The following CSMD1 variants were observed in gnomAD, a reference collection of about 807,000 sequenced individuals.
The protein encoded by CSMD1 is CUB and Sushi multiple domains 1.
In CSMD1, 213 loss-of-function variants were observed where a neutral mutation model predicts 417.5. The observed-to-expected ratio is 0.51, with a 90% CI of 0.46 to 0.57. The LOEUF (loss-of-function observed/expected upper bound fraction) is 0.57. Ranked by LOEUF, CSMD1 falls within the 20% of genes least tolerant of loss-of-function variation. The pLI, the probability that CSMD1 is intolerant of heterozygous loss-of-function variation, is 0.00. For synonymous variants in CSMD1, 2,862 were observed against 1,736.8 expected (o/e 1.65, Z -16.11); for missense variants, 6,923 against 4,529.7 (o/e 1.53, Z -15.17).
intron 7 of CSMD1, among the ~76,000 whole-genome samples, chr8:3,661,206 A>C (rs1054859625): frequency 6.6e-6 from 1 of 152,158 alleles, no homozygotes; most frequent in African/African-American, 2.4e-5. Context: ...CAAGATTGAG[A>C]ACCTAATTTA....
intron 3 of CSMD1, among the ~76,000 whole-genome samples, chr8:4,234,152 G>A (rs1292364021): frequency 6.6e-6 from 1 of 152,146 alleles, no homozygotes; most frequent in East Asian, 1.9e-4. Flanking sequence ...TCATAGGACT[G>A]AGCACAGATT....
intron 9 of CSMD1, among the ~76,000 whole-genome samples, chr8:3,584,010 C>T (rs926160495): frequency 6.6e-6 from 1 of 151,886 alleles, no homozygotes; most frequent in Non-Finnish European, 1.5e-5. Flanking sequence ...CTAGTAAAAC[C>T]CATCCACTAT....
intron 3 of CSMD1, among the ~76,000 whole-genome samples, chr8:4,197,512 A>G (rs1799407954): frequency 6.6e-6 from 1 of 152,178 alleles, no homozygotes; most frequent in African/African-American, 2.4e-5. Context: ...GTCAAGTAAG[A>G]CAGAGTTCCC....
chr8:2,986,043 A>AGAAG (rs917126657), intron 54 of CSMD1, among the ~76,000 whole-genome samples: 11 of 150,650 alleles, frequency 7.3e-5, no homozygotes, highest in South Asian at 2.1e-4. Context: ...TCTCCATAGA[A>AGAAG]GAAGGAAGGA....
intron 3 of CSMD1, among the ~76,000 whole-genome samples, chr8:4,406,291 C>G (rs1481602848): frequency 1.3e-5 from 2 of 152,106 alleles, no homozygotes; most frequent in East Asian, 1.9e-4. Context: ...TCAAACAAAA[C>G]AAACCCTTTG....
At chr8:4,800,231 G>C (rs1798204275) in intron 1 of CSMD1, among the ~76,000 whole-genome samples, 1 of 152,062 alleles carries the variant, frequency 6.6e-6, no homozygotes, top group African/African-American at 2.4e-5. Context: ...CTGAGGTCAG[G>C]AGTTGGAGAC....
At chr8:3,481,460 T>C (rs1333203635) in intron 11 of CSMD1, among the ~76,000 whole-genome samples, 1 of 152,122 alleles carries the variant, frequency 6.6e-6, no homozygotes, top group Non-Finnish European at 1.5e-5. Flanking sequence ...TTTCCATACT[T>C]CAGGTGGTAA....
rs945427559 is a variant in CSMD1 at position 4,387,491 on chromosome 8, G to C, written c.415+32462C>G. ...TTGAGTGTACTTTCATATCATACTT[G>C]CATAATTGTTCATAAATACTATTTC... On this transcript the variant is annotated intron_variant, in intron 3 of 69. Transcript: ENST00000635120. 5.2e-5 allele frequency among the ~76,000 whole-genome samples: 7 copies of C among 134,298 alleles called. No individual in the cohort carries two copies. The East Asian group carries it at 6.9e-4, about 13-fold the overall frequency. The allele number at this position is 134,298 out of a possible 152,430, so 88.1% of individuals were successfully genotyped here. A position where few individuals can be genotyped will look rare whatever the true frequency, so the allele number is the denominator to read the frequency against.
At chr8:4,829,770 A>C (rs1257689334) in intron 1 of CSMD1, among the ~76,000 whole-genome samples, 3 of 150,278 alleles carry the variant, frequency 2.0e-5, no homozygotes, top group Non-Finnish European at 4.4e-5. Context: ...ACTCACATTT[A>C]TGTAGCTGTT....
At chr8:4,791,083 TGAGAGAGACGGTGAGAAGAGACGGG>T (rs890184304) in intron 1 of CSMD1, among the ~76,000 whole-genome samples, 2 of 147,378 alleles carry the variant, frequency 1.4e-5, no homozygotes, top group Non-Finnish European at 3.1e-5. Flanking sequence ...AGAGAGACGG[TGAGAGAGACGGTGAGAAGAGACGGG>T]GAGAAGAGAC....
At chr8:3,934,543 C>T (rs1344659855) in intron 5 of CSMD1, among the ~76,000 whole-genome samples, 2 of 152,112 alleles carry the variant, frequency 1.3e-5, no homozygotes, top group Admixed American at 6.5e-5. Flanking sequence ...GCCTTTATCA[C>T]TAACTAAGGG....
chr8:3,124,774 G>A (rs560638131), intron 41 of CSMD1, among the ~76,000 whole-genome samples: 42 of 152,190 alleles, frequency 2.8e-4, no homozygotes, highest in Non-Finnish European at 5.4e-4. Flanking sequence ...AAAAACCCAG[G>A]ACCCATTTTT....
At chr8:4,803,581 G>C (rs1798428464) in intron 1 of CSMD1, among the ~76,000 whole-genome samples, 1 of 152,078 alleles carries the variant, frequency 6.6e-6, no homozygotes, top group Admixed American at 6.6e-5. Flanking sequence ...CGAAAGCCAG[G>C]ATTCTACTAT....
chr8:4,462,997 G>A (rs1409522109), intron 2 of CSMD1, among the ~76,000 whole-genome samples: 1 of 152,002 alleles, frequency 6.6e-6, no homozygotes, highest in East Asian at 1.9e-4. Context: ...AAAAACATTA[G>A]AACAGAAAAA....
chr8:3,255,186 A>G (rs1027338512), intron 26 of CSMD1, among the ~76,000 whole-genome samples: 2 of 152,082 alleles, frequency 1.3e-5, no homozygotes, highest in African/African-American at 4.8e-5. Context: ...AGAGCAGTGG[A>G]TATTGGTGAA....
chr8:3,580,089 G>C (rs1357231763), intron 9 of CSMD1, among the ~76,000 whole-genome samples: 2 of 151,912 alleles, frequency 1.3e-5, no homozygotes, highest in Non-Finnish European at 2.9e-5. Context: ...GTGTGACAGA[G>C]GGAGACTCTG....
chr8:4,276,103 C>G (rs1033674639), intron 3 of CSMD1, among the ~76,000 whole-genome samples: 1 of 152,068 alleles, frequency 6.6e-6, no homozygotes, highest in Non-Finnish European at 1.5e-5. Flanking sequence ...CCATTTGACC[C>G]AGCAATCCCA....
intron 5 of CSMD1, among the ~76,000 whole-genome samples, chr8:3,844,328 C>G (rs1286358416): frequency 6.6e-6 from 1 of 152,078 alleles, no homozygotes; most frequent in African/African-American, 2.4e-5. Flanking sequence ...AATTTCAAGT[C>G]AATGACAATA....
intron 2 of CSMD1, among the ~76,000 whole-genome samples, chr8:4,526,883 A>G (rs1292746688): frequency 6.6e-6 from 1 of 152,144 alleles, no homozygotes; most frequent in Admixed American, 6.5e-5. Flanking sequence ...CCATGATTCC[A>G]GAAGACTATT....
Sources: gnomAD v4.1 joint callset for allele counts (sites outside exome capture counted in the v4.1 genomes callset) on GRCh38, gnomAD v4.1.1 for gene constraint, MANE v1.5 for transcripts, NCBI Gene and HGNC (gene_info 2026-07-23, HGNC 2026-07-21) for gene names.